Variants in PDE3A observed in about 807,000 individuals in gnomAD.
PDE3A encodes phosphodiesterase 3A.
Under a neutral mutation model 98.3 loss-of-function variants are expected in PDE3A, and 43 were observed. The observed-to-expected ratio is 0.44, with a 90% CI of 0.34 to 0.56. PDE3A has a LOEUF of 0.56. Among genes scored for constraint, PDE3A ranks in the 20% least tolerant of loss-of-function variants. PDE3A has a pLI of 0.01. For synonymous variants in PDE3A, 663 were observed against 567.9 expected (o/e 1.17, Z -2.38); for missense variants, 1,427 against 1,440.7 (o/e 0.99, Z 0.15).
At chr12:20,467,312 TTTTG>T (rs1044080187) in intron 1 of PDE3A, among the ~76,000 whole-genome samples, 25 of 126,084 alleles carry the variant, frequency 2.0e-4, no homozygotes, top group African/African-American at 6.4e-4. Flanking sequence ...GATGCTTTTT[TTTTG>T]TTTGTATATC....
At chr12:20,413,593 C>G (rs1014448984) in intron 1 of PDE3A, among the ~76,000 whole-genome samples, 1 of 152,050 alleles carries the variant, frequency 6.6e-6, no homozygotes, top group Non-Finnish European at 1.5e-5. Flanking sequence ...ATGGAGAAAT[C>G]GTCAGTGCTG....
At chr12:20,620,919 T>TA (rs1478868967) in intron 4 of PDE3A, among the ~76,000 whole-genome samples, 1 of 152,036 alleles carries the variant, frequency 6.6e-6, no homozygotes, top group Admixed American at 6.6e-5. Context: ...TTATGACACT[T>TA]ACAGCTTATG....
At chr12:20,451,426 A>G (rs1398685134) in intron 1 of PDE3A, among the ~76,000 whole-genome samples, 2 of 152,102 alleles carry the variant, frequency 1.3e-5, no homozygotes, top group Non-Finnish European at 2.9e-5. Flanking sequence ...GGTGTGTGCC[A>G]CCACACCCAG....
chr12:20,646,882 G>T lies in PDE3A; in HGVS notation c.2497G>T (p.Ala833Ser). The T allele has an allele frequency of 6.2e-7, 1 of 1,613,846 alleles. No homozygotes were observed. Among genetic ancestry groups the T allele is most frequent in the Non-Finnish European group, 8.5e-7 (1 of 1,179,764 alleles). Residue 833 changes from alanine to serine, a missense_variant, in exon 12 of 16, where the codon GCA becomes TCA. Physicochemically the swap from Ala to Ser is moderately conservative, Grantham distance 99. Transcript: ENST00000359062. ...GGAGTTGATGGCGCTGTATGTGGCT[G>T]CAGCCATGCACGATTATGATCATCC... is the stretch of plus-strand genomic sequence containing the variant. The part of the protein sequence containing the change: ...ALELMALYVA[A>S]AMHDYDHPGR...
At chr12:20,379,734 G>T (rs1333978231) in intron 1 of PDE3A, among the ~76,000 whole-genome samples, 1 of 151,790 alleles carries the variant, frequency 6.6e-6, no homozygotes, top group East Asian at 1.9e-4. Context: ...AAGAAGAGAA[G>T]AAATAAGACT....
At chr12:20,393,212 T>C (rs991661441) in intron 1 of PDE3A, among the ~76,000 whole-genome samples, 3 of 152,008 alleles carry the variant, frequency 2.0e-5, no homozygotes, top group African/African-American at 7.2e-5. Context: ...AGAGGTTTAA[T>C]TGGACTTACA....
intron 15 of PDE3A, among the ~76,000 whole-genome samples, chr12:20,677,054 A>G (rs902130068): frequency 3.9e-5 from 6 of 152,202 alleles, no homozygotes; most frequent in Non-Finnish European, 7.3e-5. Flanking sequence ...TTTAGTGTTC[A>G]TCTGACTGGG....
intron 15 of PDE3A, among the ~76,000 whole-genome samples, chr12:20,671,767 G>A (rs1481186213): frequency 1.4e-5 from 2 of 139,506 alleles, no homozygotes; most frequent in East Asian, 2.1e-4. Flanking sequence ...AAAACTGGAA[G>A]CATTCCCTTT....
intron 1 of PDE3A, among the ~76,000 whole-genome samples, chr12:20,445,375 TC>T (rs569355837): frequency 1.3e-4 from 20 of 152,276 alleles, no homozygotes; most frequent in African/African-American, 4.8e-4. Flanking sequence ...AATCTCATTT[TC>T]CCCCTTTTTG....
rs1555145390 is a variant in PDE3A, at chr12:20,431,613, A to ACACACACG, written c.960+61376_960+61377insGCACACAC. 9.3e-4 allele frequency among the ~76,000 whole-genome samples: 140 copies of ACACACACG among 150,916 alleles called. 1 individual carries two copies. The highest frequency in any genetic ancestry group is 1.6e-3 in the African/African-American group (65 of 41,058). On this transcript the variant is annotated intron_variant, in intron 1 of 15. Coordinates refer to ENST00000359062, the MANE Select transcript of PDE3A (RefSeq NM_000921.5). ...CAGGAAAACACACACACACACACAC[A>ACACACACG]CACACACACGCACACACACGCACGC... is the stretch of plus-strand genomic sequence containing the variant.
At position 20,462,153 on chromosome 12, in the gene PDE3A, C is replaced by A. The variant is rs1312688555; in HGVS notation, c.960+91909C>A. ...TCTTCTCATTGACAAGTAATTAGCC[C>A]CAGAATTTCCAAATCAATTTTGAAT... is the stretch of plus-strand genomic sequence containing the variant. On this transcript the variant is annotated intron_variant, in intron 1 of 15. Coordinates refer to ENST00000359062, the MANE Select transcript of PDE3A (RefSeq NM_000921.5). Among the ~76,000 whole-genome samples the A allele has an allele frequency of 1.3e-5, 2 of 151,994 alleles. 1 individual carries two copies. The highest frequency in any genetic ancestry group is 1.3e-4 in the Admixed American group (2 of 15,244).
intron 1 of PDE3A, among the ~76,000 whole-genome samples, chr12:20,542,749 A>T (rs752868555): frequency 6.6e-6 from 1 of 152,012 alleles, no homozygotes; most frequent in African/African-American, 2.4e-5. Context: ...AGGATTTCCA[A>T]TTTTTTCTAA....
At chr12:20,445,426 ACTTT>A (rs1419649779) in intron 1 of PDE3A, among the ~76,000 whole-genome samples, 2 of 152,138 alleles carry the variant, frequency 1.3e-5, no homozygotes, top group African/African-American at 4.8e-5. Context: ...TTTTCCAAAT[ACTTT>A]CTTAACCCTG....
At chr12:20,405,299 G>A (rs1213435635) in intron 1 of PDE3A, among the ~76,000 whole-genome samples, 1 of 151,984 alleles carries the variant, frequency 6.6e-6, no homozygotes, top group African/African-American at 2.4e-5. Context: ...TACTCCAGTC[G>A]CTACCTCCTG....
intron 1 of PDE3A, among the ~76,000 whole-genome samples, chr12:20,381,806 A>C (rs1412273955): frequency 6.6e-6 from 1 of 151,864 alleles, no homozygotes; most frequent in Non-Finnish European, 1.5e-5. Context: ...AACTTTCTCT[A>C]TTTTACATTG....
intron 1 of PDE3A, among the ~76,000 whole-genome samples, chr12:20,523,084 C>T (rs1946458721): frequency 6.6e-6 from 1 of 152,018 alleles, no homozygotes; most frequent in South Asian, 2.1e-4. Flanking sequence ...TGGCATTAGG[C>T]TAAAGATAGT....
intron 2 of PDE3A, among the ~76,000 whole-genome samples, chr12:20,589,880 A>T (rs935686609): frequency 6.6e-6 from 1 of 151,802 alleles, no homozygotes; most frequent in African/African-American, 2.4e-5. Flanking sequence ...AAAAAAAAAA[A>T]AAAAAAAAAG....
At chr12:20,414,323 C>A (rs1362561548) in intron 1 of PDE3A, among the ~76,000 whole-genome samples, 1 of 152,070 alleles carries the variant, frequency 6.6e-6, no homozygotes, top group East Asian at 1.9e-4. Context: ...GAATTTAGGG[C>A]AGACAACCAT....
At chr12:20,672,253 G>A (rs61921487) in intron 15 of PDE3A, among the ~76,000 whole-genome samples, 5,990 of 146,842 alleles carry the variant, frequency 0.041, 182 homozygotes, top group African/African-American at 0.091. Flanking sequence ...AATCAATATC[G>A]TGAAAATGGC....
Sources: gnomAD v4.1 joint callset for allele counts (sites outside exome capture counted in the v4.1 genomes callset) on GRCh38, gnomAD v4.1.1 for gene constraint, MANE v1.5 for transcripts, NCBI Gene and HGNC (gene_info 2026-07-23, HGNC 2026-07-21) for gene names.